Variants in KLHL7 observed in about 807,000 individuals in gnomAD.
The protein encoded by KLHL7 is kelch-like protein 7.
Under a neutral mutation model 67.4 loss-of-function variants are expected in KLHL7, and 44 were observed. The observed-to-expected ratio is 0.65, with a 90% CI of 0.51 to 0.84. KLHL7 has a LOEUF of 0.84. KLHL7 is among the 40% of genes least tolerant of loss of function. The pLI is 0.00. For synonymous variants in KLHL7, 252 were observed against 243.3 expected, an observed-to-expected ratio of 1.04 and a Z score of -0.33; for missense variants, 362 against 718.1, an observed-to-expected ratio of 0.50 and a Z score of 5.67.
intron 6 of KLHL7, among the ~76,000 whole-genome samples, chr7:23,144,559 C>G (rs1445957114): frequency 6.6e-6 from 1 of 152,132 alleles, no homozygotes; most frequent in Non-Finnish European, 1.5e-5. Context: ...TCTGCCTATT[C>G]CAATATGAAC....
chr7:23,169,217 C>T (rs1014962975), intron 9 of KLHL7, among the ~76,000 whole-genome samples: 2 of 151,864 alleles, frequency 1.3e-5, no homozygotes, highest in Admixed American at 1.3e-4. Context: ...CAAGATTGTG[C>T]CACAGCACTC....
intron 1 of KLHL7, among the ~76,000 whole-genome samples, chr7:23,120,672 T>C (rs1429763661): frequency 6.6e-6 from 1 of 152,126 alleles, no homozygotes; most frequent in Non-Finnish European, 1.5e-5. Flanking sequence ...GCTCAAGTGA[T>C]CCTCCCATTT....
At chr7:23,170,269 T>A (rs947389006) in intron 9 of KLHL7, among the ~76,000 whole-genome samples, 2 of 152,160 alleles carry the variant, frequency 1.3e-5, no homozygotes, top group African/African-American at 2.4e-5. Flanking sequence ...AAGTTTTTTT[T>A]AATAAGAATT....
chr7:23,129,227 T>A (rs1239082624), intron 4 of KLHL7: 3 of 222,278 alleles, frequency 1.3e-5, no homozygotes, highest in South Asian at 1.2e-4. Flanking sequence ...GCCCCAGACC[T>A]GGGCTTAGGC....
intron 4 of KLHL7, among the ~76,000 whole-genome samples, chr7:23,130,045 TTCATCTTTTGAAA>T (rs1376439911): frequency 3.9e-5 from 6 of 152,204 alleles, no homozygotes; most frequent in Non-Finnish European, 7.4e-5. Context: ...CAGGTACTGA[TTCATCTTTTGAAA>T]TCATCTAATG....
chr7:23,117,774 T>A (rs1783155109), intron 1 of KLHL7: 1 of 1,469,104 alleles, frequency 6.8e-7, no homozygotes, highest in African/African-American at 1.4e-5. Flanking sequence ...TTCTAGTAAC[T>A]AATCCAAGAA....
intron 1 of KLHL7, among the ~76,000 whole-genome samples, chr7:23,114,203 C>T (rs1782994871): frequency 6.6e-6 from 1 of 152,156 alleles, no homozygotes; most frequent in Non-Finnish European, 1.5e-5. Flanking sequence ...ATGATGGACT[C>T]CATAAGCTGG....
chr7:23,131,171 G>A (rs922440611), intron 4 of KLHL7, among the ~76,000 whole-genome samples: 6 of 152,158 alleles, frequency 3.9e-5, no homozygotes, highest in Non-Finnish European at 7.4e-5. Flanking sequence ...TAGGAGAAGT[G>A]GGCCAATATG....
At chr7:23,155,520 C>T (rs887419581) in intron 7 of KLHL7, among the ~76,000 whole-genome samples, 3 of 151,822 alleles carry the variant, frequency 2.0e-5, no homozygotes, top group South Asian at 2.1e-4. Flanking sequence ...AAAAATTAGC[C>T]AGGCGTCGTG....
intron 4 of KLHL7, among the ~76,000 whole-genome samples, chr7:23,139,540 TCATGG>T (rs1784106379): frequency 1.3e-5 from 2 of 152,258 alleles, no homozygotes; most frequent in East Asian, 3.8e-4. Context: ...ATCAAACATG[TCATGG>T]CATTGGTTAG....
intron 1 of KLHL7, among the ~76,000 whole-genome samples, chr7:23,114,924 T>C (rs554837508): frequency 5.2e-5 from 8 of 152,384 alleles, no homozygotes; most frequent in East Asian, 1.9e-4. Flanking sequence ...CTGACTGTTA[T>C]GAGCCCTCTC....
intron 4 of KLHL7, among the ~76,000 whole-genome samples, chr7:23,134,829 G>T (rs947376844): frequency 3.3e-5 from 5 of 151,694 alleles, no homozygotes; most frequent in African/African-American, 1.2e-4. Context: ...ATTTTATTTG[G>T]ATCTTCTCTC....
At chr7:23,165,457 A>G (rs964360137) in intron 7 of KLHL7, among the ~76,000 whole-genome samples, 9 of 152,172 alleles carry the variant, frequency 5.9e-5, no homozygotes, top group African/African-American at 2.2e-4. Context: ...ATTTAAGTTT[A>G]TTTTAGAGCC....
At chr7:23,127,713 C>A (rs191024710) in intron 4 of KLHL7, among the ~76,000 whole-genome samples, 108 of 151,934 alleles carry the variant, frequency 7.1e-4, no homozygotes, top group African/African-American at 2.4e-3. Context: ...CAAAAAAATA[C>A]AAAAATTAGC....
chr7:23,155,101 A>G (rs1396001613), intron 7 of KLHL7, among the ~76,000 whole-genome samples: 4 of 152,176 alleles, frequency 2.6e-5, no homozygotes, highest in Non-Finnish European at 4.4e-5. Flanking sequence ...TGGCTCAGAC[A>G]TCAATTTCTG....
intron 7 of KLHL7, among the ~76,000 whole-genome samples, chr7:23,154,721 T>C (rs1221048366): frequency 6.6e-6 from 1 of 152,196 alleles, no homozygotes; most frequent in Non-Finnish European, 1.5e-5. Flanking sequence ...TTAAAAATTT[T>C]CCCTGCCAGC....
intron 6 of KLHL7, among the ~76,000 whole-genome samples, chr7:23,150,734 T>C (rs1399793788): frequency 6.6e-6 from 1 of 152,192 alleles, no homozygotes; most frequent in Non-Finnish European, 1.5e-5. Flanking sequence ...CCACCATCAA[T>C]GGAAGAGAGT....
At chr7:23,168,268 C>T (rs183165621) in intron 9 of KLHL7, among the ~76,000 whole-genome samples, 10 of 152,218 alleles carry the variant, frequency 6.6e-5, no homozygotes, top group Non-Finnish European at 1.2e-4. Flanking sequence ...TCTGGTTCTG[C>T]GTGCAATAAA....
intron 5 of KLHL7, among the ~76,000 whole-genome samples, chr7:23,142,139 C>A (rs1411450547): frequency 6.6e-6 from 1 of 152,046 alleles, no homozygotes; most frequent in Non-Finnish European, 1.5e-5. Context: ...GTTGACCTGC[C>A]CACCTCAGCC....
Sources: allele counts gnomAD v4.1 joint callset (sites outside exome capture counted in the v4.1 genomes callset), GRCh38; gene constraint gnomAD v4.1.1; transcripts MANE v1.5; gene names NCBI Gene and HGNC (gene_info 2026-07-23, HGNC 2026-07-21).